The following SWT1 variants were observed in gnomAD, a reference collection of about 807,000 sequenced individuals.
SWT1 encodes SWT1 RNA endoribonuclease homolog.
In SWT1, 33 loss-of-function variants were observed where a neutral mutation model predicts 107.3. The observed-to-expected ratio is 0.31, with a 90% confidence interval of 0.23 to 0.41. SWT1 has a LOEUF of 0.41. SWT1 is among the 10% of genes least tolerant of loss of function. The probability of loss-of-function intolerance (pLI) is 1.00; values close to 1 mark genes in which losing one functional copy is unlikely to be tolerated. For synonymous variants in SWT1, 345 were observed against 348.3 expected, an observed-to-expected ratio of 0.99 and a Z score of 0.11; for missense variants, 898 against 1,028.9, an observed-to-expected ratio of 0.87 and a Z score of 1.74.
intron 1 of SWT1, among the ~76,000 whole-genome samples, chr1:185,158,147 T>A (rs191163660): frequency 3.3e-5 from 5 of 152,280 alleles, no homozygotes; most frequent in Non-Finnish European, 5.9e-5. Context: ...ATCTTCTTGG[T>A]CTATTTGTTT....
chr1:185,279,275 A>G (rs1194503929), intron 18 of SWT1, among the ~76,000 whole-genome samples: 1 of 152,186 alleles, frequency 6.6e-6, no homozygotes, highest in Non-Finnish European at 1.5e-5. Flanking sequence ...GGAGGCCACA[A>G]TTTCTTGAAG....
chr1:185,187,793 A>T (rs1462442345), intron 9 of SWT1, among the ~76,000 whole-genome samples: 1 of 152,056 alleles, frequency 6.6e-6, no homozygotes, highest in Non-Finnish European at 1.5e-5. Flanking sequence ...CAAGTGTGCG[A>T]TTCTCCTGCC....
intron 17 of SWT1, among the ~76,000 whole-genome samples, chr1:185,273,430 C>T (rs1571685564): frequency 6.7e-6 from 1 of 150,142 alleles, no homozygotes; most frequent in Admixed American, 6.7e-5. Flanking sequence ...AGGCTGGGCG[C>T]GGTGGCTCAT....
Position 185,247,128 on chromosome 1 carries a change from A to G in SWT1, c.2441+15420A>G, listed in dbSNP as rs139189747. ...TACCCATTTGATGAAGGTTAATTCA[A>G]TAAGTAATATAATCTGTAAATCATC... On this transcript the variant is annotated intron_variant, in intron 16 of 18. Transcript: ENST00000367500. 3.3e-3 allele frequency among the ~76,000 whole-genome samples: 495 copies of G among 152,300 alleles called. 4 individuals carry two copies. The highest frequency in any genetic ancestry group is 0.011 in the African/African-American group (469 of 41,580).
chr1:185,253,314 G>T (rs1478779487), intron 16 of SWT1, among the ~76,000 whole-genome samples: 2 of 150,550 alleles, frequency 1.3e-5, no homozygotes, highest in East Asian at 3.9e-4. Flanking sequence ...TTCCAATTCT[G>T]TGAAGAAAGG....
At chr1:185,251,160 T>TA (rs1373113653) in intron 16 of SWT1, among the ~76,000 whole-genome samples, 4 of 152,194 alleles carry the variant, frequency 2.6e-5, no homozygotes, top group Non-Finnish European at 5.9e-5. Context: ...AAGATGCAAA[T>TA]ATCACAGACT....
At chr1:185,213,707 C>T (rs1466014205) in intron 13 of SWT1, among the ~76,000 whole-genome samples, 1 of 152,042 alleles carries the variant, frequency 6.6e-6, no homozygotes, top group African/African-American at 2.4e-5. Flanking sequence ...TAGCATTCTG[C>T]TTTAATAATG....
chr1:185,260,679 G>A (rs1012427003), intron 16 of SWT1, among the ~76,000 whole-genome samples: 1 of 152,108 alleles, frequency 6.6e-6, no homozygotes, highest in Admixed American at 6.6e-5. Flanking sequence ...TGTAATTGTA[G>A]CTAGAGGAGA....
chr1:185,241,194 A>C (rs1002498579), intron 16 of SWT1, among the ~76,000 whole-genome samples: 4 of 152,174 alleles, frequency 2.6e-5, no homozygotes, highest in South Asian at 4.1e-4. Context: ...GTAGAAAATA[A>C]AGACCTTAAA....
chr1:185,204,125 G>A (rs1658110564), intron 11 of SWT1, among the ~76,000 whole-genome samples: 1 of 152,082 alleles, frequency 6.6e-6, no homozygotes, highest in Non-Finnish European at 1.5e-5. Context: ...GAAATTTATT[G>A]ATGTGGGCTG....
chr1:185,220,116 G>A (rs1659526824), intron 14 of SWT1, among the ~76,000 whole-genome samples: 1 of 144,318 alleles, frequency 6.9e-6, no homozygotes, highest in Non-Finnish European at 1.5e-5. Flanking sequence ...TCCAGCCTGG[G>A]TGGCAGAATG....
At chr1:185,226,579 G>T (rs1010553307) in intron 15 of SWT1, among the ~76,000 whole-genome samples, 1 of 152,080 alleles carries the variant, frequency 6.6e-6, no homozygotes, top group Admixed American at 6.6e-5. Context: ...TTAAAAATCA[G>T]TTGCAGGTTT....
intron 10 of SWT1, 97 bp from the exon 11 acceptor site, chr1:185,202,557 C>G: frequency 9.7e-7 from 1 of 1,027,996 alleles, no homozygotes. Flanking sequence ...GGCTGAGAAT[C>G]ACCTGCCTCT....
chr1:185,241,839 A>G (rs185697942), intron 16 of SWT1, among the ~76,000 whole-genome samples: 5 of 152,286 alleles, frequency 3.3e-5, no homozygotes, highest in Admixed American at 2.6e-4. Flanking sequence ...TGAGCAAGCT[A>G]TGAAAGGTTA....
chr1:185,269,373 G>GTTTTTTTTTT (rs59417358), intron 16 of SWT1, among the ~76,000 whole-genome samples: 1 of 125,348 alleles, frequency 8.0e-6, no homozygotes, highest in Non-Finnish European at 1.7e-5. Context: ...AGAGGTTTTT[G>GTTTTTTTTTT]TTTTTTTTTT....
chr1:185,276,204 C>T (rs1265020417), intron 17 of SWT1, among the ~76,000 whole-genome samples: 1 of 152,120 alleles, frequency 6.6e-6, no homozygotes, highest in East Asian at 1.9e-4. Context: ...TATTTATTAA[C>T]TTAAACCTAT....
Position 185,175,112 on chromosome 1 carries a change from A to G in SWT1, c.965A>G (p.Gln322Arg). 1 of 1,510,984 alleles carries G rather than the reference A, an allele frequency of 6.6e-7. No homozygotes were observed. The highest frequency in any genetic ancestry group is 8.8e-7 in the Non-Finnish European group (1 of 1,132,946). 93.6% of individuals were successfully genotyped at this position (1,510,984 alleles called of 1,614,324 possible). A position where few individuals can be genotyped will look rare whatever the true frequency, so the allele number is the denominator to read the frequency against. The change falls in exon 5 of 19, where the codon CAG becomes CGG. Residue 322 changes from glutamine to arginine, a missense_variant and splice_region_variant. Gln to Arg is a conservative substitution (Grantham distance 43, BLOSUM62 1). This residue lies in a region of SWT1 where 382 missense variants were observed against 362.4 expected (regional missense o/e 1.05). Coordinates refer to ENST00000367500, the MANE Select transcript of SWT1 (RefSeq NM_017673.7). Reference protein sequence around the residue: ...NDSHSRENLTQSFEAPCCSVS... With the variant: ...NDSHSRENLTRSFEAPCCSVS... Reference sequence around the variant, plus strand: ...TCACATTCTAGGGAAAACCTAACCCAGGTAAGGTAGTAAAAAATGAAGAAT... The same window carrying G: ...TCACATTCTAGGGAAAACCTAACCCGGGTAAGGTAGTAAAAAATGAAGAAT...
intron 14 of SWT1, among the ~76,000 whole-genome samples, chr1:185,219,333 A>G (rs1659457112): frequency 6.6e-6 from 1 of 152,206 alleles, no homozygotes. Context: ...ATTATAAGAT[A>G]TGGACCATCA....
rs140387575 is a variant in SWT1, at chr1:185,214,899, T to C, written c.2121+244T>C. On this transcript the variant is annotated intron_variant, in intron 14 of 18. Transcript: ENST00000367500. ...TCTTATTTTATATTATTTTCACTTATGGATGGAAGAAAGCTATGCATGCTA... is the reference window on the plus strand; with the variant it reads ...TCTTATTTTATATTATTTTCACTTACGGATGGAAGAAAGCTATGCATGCTA... Among the ~76,000 whole-genome samples, 325 of 152,306 alleles carry C rather than the reference T, an allele frequency of 2.1e-3. 1 individual carries two copies. Among genetic ancestry groups the C allele is most frequent in the Non-Finnish European group, 3.5e-3 (241 of 68,008 alleles).
Sources: allele counts gnomAD v4.1 joint callset (sites outside exome capture counted in the v4.1 genomes callset), GRCh38; gene constraint gnomAD v4.1.1; regional missense constraint gnomAD v4.1.1; transcripts MANE v1.5; gene names NCBI Gene and HGNC (gene_info 2026-07-23, HGNC 2026-07-21).